PYGM: variants seen among roughly 807,000 people sequenced by gnomAD.
PYGM encodes the protein glycogen phosphorylase, muscle associated, also known as glycogen phosphorylase, muscle form.
Under a neutral mutation model 99.3 loss-of-function variants are expected in PYGM, and 81 were observed. The observed-to-expected ratio is 0.82, with a 90% CI of 0.68 to 0.98. The LOEUF (loss-of-function observed/expected upper bound fraction) is 0.98, where lower values mean the gene tolerates loss of function less well. Among genes scored for constraint, PYGM ranks in the 50% least tolerant of loss-of-function variants. PYGM has a pLI of 0.00. For synonymous variants in PYGM, 436 were observed against 451.5 expected (o/e 0.97, Z 0.44); for missense variants, 1,030 against 1,158.1 (o/e 0.89, Z 1.61).
At chr11:64,752,861 C>T (rs1045537321) in intron 12 of PYGM, among the ~76,000 whole-genome samples, 26 of 152,234 alleles carry the variant, frequency 1.7e-4, no homozygotes, top group Non-Finnish European at 1.0e-4. Flanking sequence ...TTCACCTCCA[C>T]AGCCAGGGCC....
At position 64,750,586 on chromosome 11, in the gene PYGM, G is replaced by A. The variant is rs111748191; in HGVS notation, c.1970-3C>T. 6.2e-7 allele frequency: 1 copy of A among 1,613,932 alleles called. No homozygotes were observed. On this transcript the variant is annotated splice_polypyrimidine_tract_variant and splice_region_variant and intron_variant, in intron 16 of 19. Coordinates refer to ENST00000164139, the MANE Select transcript of PYGM (RefSeq NM_005609.4). ...AGAGAGGTCTGCAGCTGGGATCACT[G>A]TGGGGTGGCAGCAGGGGGACAAGTC...
Position 64,753,862 on chromosome 11 carries a change from C to T in PYGM, c.1239+17G>A, listed in dbSNP as rs1356901821. The T allele has an allele frequency of 6.4e-7, 1 of 1,560,942 alleles. No individual in the cohort carries two copies. The highest frequency in any genetic ancestry group is 1.4e-5 in the African/African-American group (1 of 73,676). Reference sequence around the variant, plus strand: ...CCCCCCTCACCCCCACACCATCCCCCAAGCCTCCGGACTCACGTTGAGGAA... The same window carrying T: ...CCCCCCTCACCCCCACACCATCCCCTAAGCCTCCGGACTCACGTTGAGGAA... On this transcript the variant is annotated intron_variant, in intron 10 of 19. Transcript: ENST00000164139.
Position 64,747,228 on chromosome 11 carries a change from C to A in PYGM, c.2308G>T (p.Asp770Tyr). The part of the protein sequence containing the change: ...KDIVNMLMHH[D>Y]RFKVFADYED... The stretch of plus-strand genomic sequence containing the variant: ...TTCCCGGGCCAACCAGCTCACCGGT[C>A]ATGGTGCATGAGCATATTGACAATG... The change falls in exon 18 of 20, where the codon GAC (aspartate) becomes TAC (tyrosine). Residue 770 changes from aspartate to tyrosine, a missense_variant. Physicochemically the swap from Asp to Tyr is radical, Grantham distance 160 (BLOSUM62 -3). Transcript: ENST00000164139. 6.2e-7 allele frequency: 1 copy of A among 1,614,114 alleles called. No individual in the cohort carries two copies. Among genetic ancestry groups the A allele is most frequent in the South Asian group, 1.1e-5 (1 of 91,050 alleles).
intron 11 of PYGM, 142 bp from the exon 12 acceptor site, chr11:64,753,329 T>A: frequency 8.5e-7 from 1 of 1,174,154 alleles, no homozygotes; most frequent in Non-Finnish European, 1.3e-6. Flanking sequence ...GTGCTGTGTG[T>A]AAGAGGAGGT....
upstream of PYGM, chr11:64,759,978 G>A: frequency 6.3e-7 from 1 of 1,580,954 alleles, no homozygotes; most frequent in South Asian, 1.1e-5. Context: ...AAGGAGTGGA[G>A]CTCCCCAGCC....
intron 17 of PYGM, chr11:64,748,040 CAA>C (rs60245239): frequency 2.7e-4 from 36 of 130,928 alleles, no homozygotes; most frequent in East Asian, 4.3e-4. Flanking sequence ...GACTCCATCT[CAA>C]AAAAAAAAAA....
At position 64,752,977 on chromosome 11, in the gene PYGM, G is replaced by A. The variant is rs1592410429; in HGVS notation, c.1518+96C>T. The A allele has an allele frequency of 3.5e-6, 4 of 1,154,232 alleles. No individual in the cohort carries two copies. In the East Asian group the frequency reaches 9.3e-5, roughly 27 times the overall value. 71.5% of individuals were successfully genotyped at this position (1,154,232 alleles called of 1,614,324 possible). On this transcript the variant is annotated intron_variant, in intron 12 of 19. Transcript: ENST00000164139. ...GCAGGAGGGATTTCAGCCTTCAGCT[G>A]GGAGCCCTGATGCAGTGAACCACCT...
chr11:64,753,493 G>T, intron 11 of PYGM, 26 bp downstream of exon 11: 35 of 1,564,298 alleles, frequency 2.2e-5, no homozygotes, highest in Non-Finnish European at 2.8e-5. Flanking sequence ...CCTAGAGAGG[G>T]GCGGGATCTG....
At position 64,750,582 on chromosome 11, in the gene PYGM, C is replaced by A; in HGVS notation, c.1971G>T (p.Val657=). The A allele has an allele frequency of 1.9e-6, 3 of 1,613,918 alleles. No individual in the cohort carries two copies. Among genetic ancestry groups the A allele is most frequent in the Non-Finnish European group, 2.5e-6 (3 of 1,179,940 alleles). ...GCTCAGAGAGGTCTGCAGCTGGGAT[C>A]ACTGTGGGGTGGCAGCAGGGGGACA... ...ENYRVSLAEK[V]IPAADLSEQI... is the part of the protein sequence containing the mutation. The change falls in exon 17 of 20, where the codon GTG becomes GTT. Residue 657 remains valine, a splice_region_variant and synonymous_variant. Transcript: ENST00000164139.
At chr11:64,757,956 A>G (rs751104141) in intron 4 of PYGM, 46 bp from the exon 5 acceptor site, 45 of 1,611,434 alleles carry the variant, frequency 2.8e-5, no homozygotes, top group Non-Finnish European at 3.8e-5. Flanking sequence ...GTATCAGTAC[A>G]GGCACTCACA....
intron 1 of PYGM, 127 bp downstream of exon 1, chr11:64,759,529 C>T (rs2058418891): frequency 2.7e-6 from 4 of 1,461,268 alleles, no homozygotes; most frequent in African/African-American, 1.4e-5. Flanking sequence ...ACCCCTTGTG[C>T]CTGGCACCCC....
chr11:64,755,535 A>G lies in PYGM; in HGVS notation c.684T>C (p.Asp228=). Residue 228 remains aspartate (D), a synonymous_variant, in exon 6 of 20, where the codon GAT becomes GAC. Transcript: ENST00000164139. The surrounding 1 kb of genome is among the most constrained non-coding windows in gnomAD (Gnocchi z 4.1). ...TGTTGCGATAGCCAGGCACGGGCGT[A>G]TCGTAGGGCATGGCCAGTACCACCT... ...DTQVVLAMPY[D]TPVPGYRNNV... 6.2e-7 allele frequency: 1 copy of G among 1,614,038 alleles called. No homozygotes were observed. The highest frequency in any genetic ancestry group is 8.5e-7 in the Non-Finnish European group (1 of 1,179,976).
chr11:64,748,086 C>T (rs2058327663), intron 17 of PYGM: 2 of 154,756 alleles, frequency 1.3e-5, no homozygotes, highest in South Asian at 2.0e-4. Context: ...TCAGCGCCCC[C>T]ACCACGGCTC....
In PYGM at chr11:64,746,556, T is replaced by G. The variant is rs535704546; in HGVS notation, c.*103A>C. 1 of 1,488,538 alleles carries G rather than the reference T, an allele frequency of 6.7e-7. No individual in the cohort carries two copies. The highest frequency in any genetic ancestry group is 9.3e-7 in the Non-Finnish European group (1 of 1,076,434). The allele number at this position is 1,488,538 out of a possible 1,614,324, so 92.2% of individuals were successfully genotyped here. A position where few individuals can be genotyped will look rare whatever the true frequency, so the allele number is the denominator to read the frequency against. Reference sequence around the variant, plus strand: ...GGAAAATGAGGGTTCCAGGAGGGGCTTAGAGATCTAACTCCAGTACCCCAC... The same window carrying G: ...GGAAAATGAGGGTTCCAGGAGGGGCGTAGAGATCTAACTCCAGTACCCCAC... On this transcript the variant is annotated 3_prime_UTR_variant, in exon 20 of 20. Transcript: ENST00000164139.
chr11:64,755,789 C>T lies in PYGM; in HGVS notation c.661-231G>A, dbSNP rs1017714544. Among the ~76,000 whole-genome samples, 1 of 152,198 alleles carries T rather than the reference C, an allele frequency of 6.6e-6. No homozygotes were observed. The highest frequency in any genetic ancestry group is 2.4e-5 in the African/African-American group (1 of 41,450). On this transcript the variant is annotated intron_variant, in intron 5 of 19. Coordinates refer to ENST00000164139, the MANE Select transcript of PYGM (RefSeq NM_005609.4). This position sits in a 1 kb window ranked among gnomAD's most constrained non-coding sequence, Gnocchi z 4.1. ...CACCCATAAGCCCTGCCTGGGCAGA[C>T]GGTGGTGAGGAAAATGGAAGGAGGC...
Position 64,746,981 on chromosome 11 carries a change from T to C in PYGM, c.2319A>G (p.Lys773=). Residue 773 remains lysine (K), a synonymous_variant, in exon 19 of 20, where the codon AAA becomes AAG. Transcript: ENST00000164139. ...TGTAGTCTTCATAATCTGCGAAGAC[T>C]TTAAACCTGGAGGGGAAAGGATAGG... ...VNMLMHHDRF[K]VFADYEDYIK... is the part of the protein sequence containing the mutation. 1 of 1,614,162 alleles carries C rather than the reference T, an allele frequency of 6.2e-7. No individual in the cohort carries two copies. Among genetic ancestry groups the C allele is most frequent in the Non-Finnish European group, 8.5e-7 (1 of 1,180,000 alleles).
In PYGM at chr11:64,755,700, T is replaced by C. The variant is rs1272352674; in HGVS notation, c.661-142A>G. The C allele has an allele frequency of 1.5e-6, 1 of 678,964 alleles. No individual in the cohort carries two copies. Among genetic ancestry groups the C allele is most frequent in the Non-Finnish European group, 2.6e-6 (1 of 386,080 alleles). The allele number at this position is 678,964 out of a possible 1,614,324, so 42.1% of individuals were successfully genotyped here. ...CTAGCATCGATGAGCTGGGTAACCA[T>C]GAGCAAACCCCATAGTCTCTCTGGA... On this transcript the variant is annotated intron_variant, in intron 5 of 19. Transcript: ENST00000164139. The surrounding 1 kb of genome is among the most constrained non-coding windows in gnomAD (Gnocchi z 4.1).
intron 3 of PYGM, 26 bp downstream of exon 3, chr11:64,758,411 C>G: frequency 1.9e-6 from 3 of 1,613,568 alleles, no homozygotes; most frequent in Middle Eastern, 3.3e-4. Flanking sequence ...TCGGCCCACT[C>G]CACCCTCACG....
intron 5 of PYGM, among the ~76,000 whole-genome samples, chr11:64,756,989 C>T (rs1438539585): frequency 6.6e-6 from 1 of 151,610 alleles, no homozygotes; most frequent in Admixed American, 6.6e-5. Context: ...TTTTTTGAGA[C>T]GAGGTCTGGC....
Sources: allele counts gnomAD v4.1 joint callset (sites outside exome capture counted in the v4.1 genomes callset), GRCh38; gene constraint gnomAD v4.1.1; non-coding constraint Gnocchi (gnomAD v3.1); transcripts MANE v1.5; gene names NCBI Gene and HGNC (gene_info 2026-07-23, HGNC 2026-07-21).